STXBP6: variants seen among roughly 807,000 people sequenced by gnomAD.
STXBP6 encodes the protein syntaxin binding protein 6.
A neutral mutation model predicts 26.9 loss-of-function variants in STXBP6; 21 were observed. That is an observed-to-expected ratio of 0.78 (90% CI 0.55 to 1.12). The LOEUF (loss-of-function observed/expected upper bound fraction) is 1.12, where lower values mean the gene tolerates loss of function less well. Among genes scored for constraint, STXBP6 ranks in the 50% most tolerant of loss-of-function variants. The pLI is 0.00. For missense variants in STXBP6, 232 were observed against 257.9 expected, an observed-to-expected ratio of 0.90 and a Z score of 0.69; for synonymous variants, 97 against 92.6, an observed-to-expected ratio of 1.05 and a Z score of -0.27.
chr14:24,952,582 T>C (rs1433913731), intron 2 of STXBP6, among the ~76,000 whole-genome samples: 1 of 152,180 alleles, frequency 6.6e-6, no homozygotes, highest in Non-Finnish European at 1.5e-5. Context: ...TTTAATACTC[T>C]TAATCATACA....
chr14:24,896,428 C>CA (rs2070994385), intron 2 of STXBP6, among the ~76,000 whole-genome samples: 2 of 152,120 alleles, frequency 1.3e-5, no homozygotes, highest in African/African-American at 4.8e-5. Context: ...TTTAAACAAT[C>CA]AGAGATTTGC....
chr14:24,993,784 T>C (rs1425205403), intron 1 of STXBP6, among the ~76,000 whole-genome samples: 1 of 152,174 alleles, frequency 6.6e-6, no homozygotes, highest in Non-Finnish European at 1.5e-5. Context: ...CAGCTGCCCA[T>C]GCTTTAAGTA....
At chr14:25,019,468 T>C (rs964140779) in intron 1 of STXBP6, among the ~76,000 whole-genome samples, 12 of 152,268 alleles carry the variant, frequency 7.9e-5, no homozygotes, top group African/African-American at 2.9e-4. Flanking sequence ...CTATATCATG[T>C]TGGACTTATT....
In STXBP6 at chr14:24,857,041, T is replaced by C. The variant is rs769014126; in HGVS notation, c.271A>G (p.Ile91Val). ...AATTCACTCACCCCATTAGGATCGA[T>C]ACCATTAACCTGGCGAAGCTGCTCG... The part of the protein sequence containing the change: ...MLEQLRQVNG[I>V]DPNGDSAEFD... Residue 91 changes from isoleucine to valine, a missense_variant, in exon 3 of 6, where the codon ATC (isoleucine) becomes GTC (valine). Ile to Val is a conservative substitution (Grantham distance 29, BLOSUM62 3). Transcript: ENST00000323944. The C allele has an allele frequency of 1.9e-6, 3 of 1,612,876 alleles. No individual in the cohort carries two copies. The highest frequency in any genetic ancestry group is 2.2e-5 in the East Asian group (1 of 44,854).
intron 2 of STXBP6, among the ~76,000 whole-genome samples, chr14:24,933,232 C>T (rs1173281782): frequency 6.6e-6 from 1 of 152,100 alleles, no homozygotes; most frequent in African/African-American, 2.4e-5. Context: ...GTCCCAACTA[C>T]TTGGGAGGCT....
At chr14:24,972,546 T>C (rs1823072624) in intron 2 of STXBP6, among the ~76,000 whole-genome samples, 1 of 152,204 alleles carries the variant, frequency 6.6e-6, no homozygotes, top group Non-Finnish European at 1.5e-5. Context: ...GAAATGTCAA[T>C]GAAATATTGA....
At chr14:24,955,266 GATCAA>G (rs2073302905) in intron 2 of STXBP6, among the ~76,000 whole-genome samples, 1 of 152,076 alleles carries the variant, frequency 6.6e-6, no homozygotes, top group African/African-American at 2.4e-5. Flanking sequence ...ATGTTAGAGT[GATCAA>G]CCTCCTGGGG....
intron 2 of STXBP6, among the ~76,000 whole-genome samples, chr14:24,875,626 G>GAA (rs1226233920): frequency 2.0e-5 from 3 of 152,168 alleles, no homozygotes; most frequent in Non-Finnish European, 2.9e-5. Flanking sequence ...AATTCCCCTG[G>GAA]AGGGAATCAT....
intron 1 of STXBP6, among the ~76,000 whole-genome samples, chr14:25,011,463 CTCTT>C (rs1470185070): frequency 6.6e-6 from 1 of 152,230 alleles, no homozygotes; most frequent in African/African-American, 2.4e-5. Flanking sequence ...ATGATAGAAA[CTCTT>C]TCATACCTGG....
intron 2 of STXBP6, among the ~76,000 whole-genome samples, chr14:24,863,558 C>A (rs183322392): frequency 6.6e-6 from 1 of 152,104 alleles, no homozygotes; most frequent in East Asian, 1.9e-4. Flanking sequence ...ATGGTAATAA[C>A]CAAGAAGTTA....
chr14:24,957,767 C>A (rs554728751), intron 2 of STXBP6, among the ~76,000 whole-genome samples: 1 of 152,294 alleles, frequency 6.6e-6, no homozygotes, highest in South Asian at 2.1e-4. Context: ...CCTACTGGCC[C>A]TCTAGGTTAC....
At chr14:24,907,205 G>A (rs1372962061) in intron 2 of STXBP6, among the ~76,000 whole-genome samples, 1 of 152,050 alleles carries the variant, frequency 6.6e-6, no homozygotes, top group Non-Finnish European at 1.5e-5. Flanking sequence ...TGCTGGAGGT[G>A]ATGCATATCC....
At chr14:24,965,052 G>A (rs921955583) in intron 2 of STXBP6, among the ~76,000 whole-genome samples, 5 of 152,298 alleles carry the variant, frequency 3.3e-5, no homozygotes, top group Non-Finnish European at 7.4e-5. Flanking sequence ...AAATAGAACA[G>A]CAGTGTGATG....
At chr14:25,041,554 A>G (rs2075642633) in intron 1 of STXBP6, among the ~76,000 whole-genome samples, 1 of 152,162 alleles carries the variant, frequency 6.6e-6, no homozygotes. Context: ...TAGACTGTAC[A>G]AAGTCAACAT....
intron 2 of STXBP6, among the ~76,000 whole-genome samples, chr14:24,973,387 T>G (rs2073957558): frequency 7.1e-6 from 1 of 140,890 alleles, no homozygotes; most frequent in East Asian, 2.0e-4. Context: ...TCCTTTTTTT[T>G]TTTTTTTTTT....
At chr14:24,961,168 A>G (rs2073524150) in intron 2 of STXBP6, among the ~76,000 whole-genome samples, 1 of 152,198 alleles carries the variant, frequency 6.6e-6, no homozygotes, top group African/African-American at 2.4e-5. Flanking sequence ...TAACACAGGA[A>G]CAGAAAACAA....
At chr14:25,032,158 C>T (rs867257537) in intron 1 of STXBP6, among the ~76,000 whole-genome samples, 1 of 152,140 alleles carries the variant, frequency 6.6e-6, no homozygotes, top group Non-Finnish European at 1.5e-5. Context: ...AGCCACTTTG[C>T]GCATGGTCTC....
chr14:24,900,028 G>A (rs1236344036), intron 2 of STXBP6, among the ~76,000 whole-genome samples: 1 of 152,118 alleles, frequency 6.6e-6, no homozygotes, highest in Non-Finnish European at 1.5e-5. Context: ...TATCTAATAG[G>A]TGAACAAAGC....
At chr14:24,941,407 C>T (rs952614517) in intron 2 of STXBP6, among the ~76,000 whole-genome samples, 2 of 152,144 alleles carry the variant, frequency 1.3e-5, no homozygotes, top group Non-Finnish European at 2.9e-5. Flanking sequence ...GGATTCATTA[C>T]ATTCAGCTGG....
Sources: gnomAD v4.1 joint callset for allele counts (sites outside exome capture counted in the v4.1 genomes callset) on GRCh38, gnomAD v4.1.1 for gene constraint, MANE v1.5 for transcripts, NCBI Gene and HGNC (gene_info 2026-07-23, HGNC 2026-07-21) for gene names.